GPLD1: variants seen among roughly 807,000 people sequenced by gnomAD.
GPLD1 encodes glycosylphosphatidylinositol specific phospholipase D1.
Under a neutral mutation model 112.6 loss-of-function variants are expected in GPLD1, and 84 were observed. The ratio of observed to expected loss-of-function variants is 0.75; its 90% CI spans 0.63 to 0.89. The LOEUF (loss-of-function observed/expected upper bound fraction) is 0.89, where lower values mean the gene tolerates loss of function less well. Ranked by LOEUF, GPLD1 falls within the 40% of genes least tolerant of loss-of-function variation. The pLI, the probability that GPLD1 is intolerant of heterozygous loss-of-function variation, is 0.00. For missense variants in GPLD1, 1,044 were observed against 1,051.5 expected (o/e 0.99, Z 0.10); for synonymous variants, 386 against 403.8 (o/e 0.96, Z 0.53).
Position 24,447,961 on chromosome 6 carries a change from T to C in GPLD1, c.1594A>G (p.Ile532Val). 6.2e-7 allele frequency: 1 copy of C among 1,613,872 alleles called. No homozygotes were observed. Among genetic ancestry groups the C allele is most frequent in the Non-Finnish European group, 8.5e-7 (1 of 1,179,976 alleles). ...CCACCTGGTGCAAAAGGGGAGCCGA[T>C]GACCAGATCGGGTTCACTGTCTCCA... is the stretch of plus-strand genomic sequence containing the variant. ...VNGDSEPDLV[I>V]GSPFAPGGGK... Residue 532 changes from isoleucine (I) to valine (V), a missense_variant, in exon 17 of 25, where the codon ATC (isoleucine) becomes GTC (valine). Ile to Val is a conservative substitution (Grantham distance 29). Coordinates refer to ENST00000230036, the MANE Select transcript of GPLD1 (RefSeq NM_001503.4).
Position 24,456,497 on chromosome 6 carries a change from C to A in GPLD1, c.1148+1G>T. On this transcript the variant is annotated splice_donor_variant, in intron 13 of 24. Transcript: ENST00000230036. LOFTEE classifies it high-confidence loss of function. ...CACAAGTTAGATAAACTTATACGTA[C>A]CAGCCAAGCCTCGCATAAGGAAATG... 3 of 1,596,290 alleles carry A rather than the reference C, an allele frequency of 1.9e-6. No individual in the cohort carries two copies. Among genetic ancestry groups the A allele is most frequent in the Non-Finnish European group, 2.6e-6 (3 of 1,169,266 alleles).
At chr6:24,450,841 G>A (rs1314969689) in intron 14 of GPLD1, among the ~76,000 whole-genome samples, 5 of 151,504 alleles carry the variant, frequency 3.3e-5, no homozygotes, top group Non-Finnish European at 7.4e-5. Context: ...GTGTGGTGGT[G>A]GGCACCTGTA....
At chr6:24,459,002 G>A (rs988809121) in intron 12 of GPLD1, among the ~76,000 whole-genome samples, 1 of 152,106 alleles carries the variant, frequency 6.6e-6, no homozygotes, top group Non-Finnish European at 1.5e-5. Context: ...GACATTAAGA[G>A]CCCACTACAA....
At chr6:24,458,947 C>T (rs1435089835) in intron 12 of GPLD1, among the ~76,000 whole-genome samples, 4 of 152,088 alleles carry the variant, frequency 2.6e-5, no homozygotes, top group African/African-American at 4.8e-5. Flanking sequence ...TAGGCCCTTC[C>T]GCAATTCTCA....
chr6:24,484,314 C>T (rs12197494), intron 2 of GPLD1, among the ~76,000 whole-genome samples: 7,294 of 152,090 alleles, frequency 0.048, 216 homozygotes, highest in Non-Finnish European at 0.069. Flanking sequence ...CGGGTTCAAA[C>T]GATTCCCCGC....
intron 24 of GPLD1, among the ~76,000 whole-genome samples, chr6:24,431,685 C>A (rs1324907517): frequency 1.3e-5 from 2 of 151,982 alleles, no homozygotes; most frequent in South Asian, 4.2e-4. Flanking sequence ...TAGGCATGCA[C>A]CACCACGCCG....
chr6:24,429,775 C>T (rs369359406), intron 24 of GPLD1, among the ~76,000 whole-genome samples: 1 of 152,098 alleles, frequency 6.6e-6, no homozygotes, highest in Non-Finnish European at 1.5e-5. Context: ...CTCGAACTCC[C>T]GACCTCAAGT....
At chr6:24,478,056 T>C (rs1397410618) in intron 3 of GPLD1, among the ~76,000 whole-genome samples, 1 of 152,218 alleles carries the variant, frequency 6.6e-6, no homozygotes, top group African/African-American at 2.4e-5. Flanking sequence ...TTTTCCACTC[T>C]CCTCAGAACC....
intron 5 of GPLD1, 38 bp from the exon 6 acceptor site, chr6:24,473,705 A>T: frequency 2.1e-6 from 3 of 1,437,532 alleles, no homozygotes; most frequent in East Asian, 2.3e-5. Flanking sequence ...TGTATTACAA[A>T]TTGTAGCCCC....
chr6:24,466,990 A>T, intron 8 of GPLD1, 51 bp from the exon 9 acceptor site: 1 of 1,483,186 alleles, frequency 6.7e-7, no homozygotes, highest in Non-Finnish European at 9.4e-7. Context: ...GTAACAGAGA[A>T]ATGAAGCAAA....
chr6:24,477,252 C>G (rs1764051505), intron 3 of GPLD1, among the ~76,000 whole-genome samples: 1 of 146,344 alleles, frequency 6.8e-6, no homozygotes, highest in Non-Finnish European at 1.5e-5. Context: ...AGAAAGTCCC[C>G]CAGGACATAC....
Position 24,472,558 on chromosome 6 carries a change from T to C in GPLD1, c.545+24A>G, listed in dbSNP as rs200761297. 3.8e-4 allele frequency: 538 copies of C among 1,419,492 alleles called. 5 individuals carry two copies. The African/African-American group carries it at 6.5e-3, about 17-fold the overall frequency. The allele number at this position is 1,419,492 out of a possible 1,614,324, so 87.9% of individuals were successfully genotyped here. On this transcript the variant is annotated intron_variant, in intron 7 of 24. Transcript: ENST00000230036. ...CTCTAAATGCCACTTAGATACCACATATTTAGATGTACATTGCTCTTACCA... is the reference window on the plus strand; with the variant it reads ...CTCTAAATGCCACTTAGATACCACACATTTAGATGTACATTGCTCTTACCA...
At chr6:24,436,986 C>A (rs1762599324) in intron 21 of GPLD1, 127 bp downstream of exon 21, 1 of 845,412 alleles carries the variant, frequency 1.2e-6, no homozygotes, top group Admixed American at 2.5e-5. Flanking sequence ...CATTCAAGAT[C>A]TGTCTAAAGG....
chr6:24,461,488 C>A (rs1284547887), intron 11 of GPLD1, among the ~76,000 whole-genome samples: 1 of 152,190 alleles, frequency 6.6e-6, no homozygotes, highest in Admixed American at 6.5e-5. Context: ...GTATATCTCA[C>A]TCTTGATCAT....
At chr6:24,447,069 A>C in intron 17 of GPLD1, 90 bp from the exon 18 acceptor site, 1 of 1,224,852 alleles carries the variant, frequency 8.2e-7, no homozygotes, top group South Asian at 1.4e-5. Flanking sequence ...AGCCTAATAG[A>C]AGTGGGTTCA....
At chr6:24,464,167 A>G (rs1005158363) in intron 10 of GPLD1, among the ~76,000 whole-genome samples, 2 of 152,172 alleles carry the variant, frequency 1.3e-5, no homozygotes, top group Non-Finnish European at 2.9e-5. Flanking sequence ...AATAATAGTA[A>G]CCAATACTTA....
chr6:24,483,500 G>T (rs149067128), intron 2 of GPLD1, among the ~76,000 whole-genome samples: 1 of 151,404 alleles, frequency 6.6e-6, no homozygotes, highest in Non-Finnish European at 1.5e-5. Context: ...GAAACATGGT[G>T]AAACTGCGAC....
At chr6:24,445,930 G>A (rs887773351) in intron 18 of GPLD1, 99 bp from the exon 19 acceptor site, 2 of 818,610 alleles carry the variant, frequency 2.4e-6, no homozygotes, top group Non-Finnish European at 4.2e-6. Context: ...CCCCCATCCA[G>A]GCCTCCCAGC....
In GPLD1 at chr6:24,427,815, C is replaced by T. The variant is rs893839772; in HGVS notation, c.*1217G>A. On this transcript the variant is annotated 3_prime_UTR_variant, in exon 25 of 25. Transcript: ENST00000230036. ...GAGCTGAGATCACATCACTGCACTC[C>T]AGCCTGGGCAACAGAGCAAGACTCC... Among the ~76,000 whole-genome samples, 1 of 133,950 alleles carries T rather than the reference C, an allele frequency of 7.5e-6. No homozygotes were observed. The highest frequency in any genetic ancestry group is 2.2e-4 in the East Asian group (1 of 4,490). 87.9% of individuals were successfully genotyped at this position (133,950 alleles called of 152,430 possible).
Sources: allele counts gnomAD v4.1 joint callset (sites outside exome capture counted in the v4.1 genomes callset), GRCh38; gene constraint gnomAD v4.1.1; transcripts MANE v1.5; gene names NCBI Gene and HGNC (gene_info 2026-07-23, HGNC 2026-07-21).